SLC25A21: variants seen among roughly 807,000 people sequenced by gnomAD.
SLC25A21 encodes the protein solute carrier family 25 member 21.
Under a neutral mutation model 43.8 loss-of-function variants are expected in SLC25A21, and 47 were observed. That is an observed-to-expected ratio of 1.07 (90% CI 0.85 to 1.37). The LOEUF (loss-of-function observed/expected upper bound fraction) is 1.37. Among genes scored for constraint, SLC25A21 ranks in the 40% most tolerant of loss-of-function variants. The pLI is 0.00. For synonymous variants in SLC25A21, 131 were observed against 121.3 expected, an observed-to-expected ratio of 1.08 and a Z score of -0.52; for missense variants, 352 against 350.2, an observed-to-expected ratio of 1.00 and a Z score of -0.04.
chr14:37,091,706 A>G (rs1962589903), intron 1 of SLC25A21, among the ~76,000 whole-genome samples: 1 of 152,216 alleles, frequency 6.6e-6, no homozygotes, highest in African/African-American at 2.4e-5. Flanking sequence ...GGTTACAAAC[A>G]AATTTCAGCA....
chr14:37,047,305 C>T (rs1383908610), intron 1 of SLC25A21, among the ~76,000 whole-genome samples: 1 of 152,150 alleles, frequency 6.6e-6, no homozygotes, highest in Non-Finnish European at 1.5e-5. Context: ...TAAAACACTG[C>T]CCAGCATGTC....
At chr14:37,049,651 T>C (rs1176442018) in intron 1 of SLC25A21, among the ~76,000 whole-genome samples, 1 of 152,298 alleles carries the variant, frequency 6.6e-6, no homozygotes, top group African/African-American at 2.4e-5. Flanking sequence ...TGTTGTACAA[T>C]AGATATATAA....
At chr14:36,872,724 T>A (rs1233400077) in intron 2 of SLC25A21, among the ~76,000 whole-genome samples, 1 of 152,220 alleles carries the variant, frequency 6.6e-6, no homozygotes, top group Non-Finnish European at 1.5e-5. Context: ...TTAGGCAAAG[T>A]CATGTGACTA....
At chr14:36,742,314 A>C (rs1885303804) in intron 3 of SLC25A21, among the ~76,000 whole-genome samples, 1 of 152,176 alleles carries the variant, frequency 6.6e-6, no homozygotes, top group Non-Finnish European at 1.5e-5. Context: ...AATTAAAACA[A>C]CGAAGTCCAC....
chr14:36,987,926 T>A (rs568042146), intron 1 of SLC25A21, among the ~76,000 whole-genome samples: 1 of 152,300 alleles, frequency 6.6e-6, no homozygotes, highest in South Asian at 2.1e-4. Context: ...CATTCTCAAG[T>A]ATTGCTTTTC....
chr14:36,909,306 C>T (rs1206738241), intron 1 of SLC25A21, among the ~76,000 whole-genome samples: 1 of 151,820 alleles, frequency 6.6e-6, no homozygotes, highest in Non-Finnish European at 1.5e-5. Context: ...GGGGATGAGA[C>T]CCTCCAGGGT....
chr14:36,925,316 C>T (rs1454597790), intron 1 of SLC25A21, among the ~76,000 whole-genome samples: 1 of 151,938 alleles, frequency 6.6e-6, no homozygotes, highest in Non-Finnish European at 1.5e-5. Flanking sequence ...AGATGTAAAC[C>T]CCAATTATAT....
chr14:36,911,296 T>C (rs1891680121), intron 1 of SLC25A21, among the ~76,000 whole-genome samples: 1 of 152,184 alleles, frequency 6.6e-6, no homozygotes, highest in Non-Finnish European at 1.5e-5. Context: ...AAAAGCACTC[T>C]GAAGAGAGTA....
At chr14:36,763,217 T>TTAATTAATA in intron 3 of SLC25A21, among the ~76,000 whole-genome samples, 1 of 152,232 alleles carries the variant, frequency 6.6e-6, no homozygotes, top group Non-Finnish European at 1.5e-5. Context: ...TTAATTATTA[T>TTAATTAATA]CACAGAGGCC....
chr14:36,889,673 T>G (rs574419560), intron 1 of SLC25A21, among the ~76,000 whole-genome samples: 20 of 152,098 alleles, frequency 1.3e-4, no homozygotes, highest in African/African-American at 4.3e-4. Context: ...TTATTTTTTT[T>G]GTAGAGACAG....
At chr14:36,849,570 G>A (rs1382522724) in intron 2 of SLC25A21, among the ~76,000 whole-genome samples, 2 of 152,080 alleles carry the variant, frequency 1.3e-5, no homozygotes, top group Non-Finnish European at 2.9e-5. Flanking sequence ...TTCATAGTTC[G>A]ATTCAATGAA....
chr14:37,066,765 GAGA>G lies in SLC25A21; in HGVS notation c.70+105513_70+105515del, dbSNP rs1304074200. Among the ~76,000 whole-genome samples, 63 of 152,092 alleles carry G rather than the reference GAGA, an allele frequency of 4.1e-4. 1 individual carries two copies. The highest frequency in any genetic ancestry group is 1.2e-4 in the Non-Finnish European group (8 of 68,002). ...AAAATTATATACACATGGAGAGAGAGAGAAGGACAGAGAACAAACAATAAAGAT... is the reference window on the plus strand; with the variant it reads ...AAAATTATATACACATGGAGAGAGAGAGGACAGAGAACAAACAATAAAGAT... On this transcript the variant is annotated intron_variant, in intron 1 of 9. Coordinates refer to ENST00000331299, the MANE Select transcript of SLC25A21 (RefSeq NM_030631.4).
chr14:37,130,795 T>A (rs1246597784), intron 1 of SLC25A21, among the ~76,000 whole-genome samples: 1 of 152,200 alleles, frequency 6.6e-6, no homozygotes, highest in African/African-American at 2.4e-5. Flanking sequence ...TTCCCTTGCT[T>A]GATTAGATGA....
intron 1 of SLC25A21, among the ~76,000 whole-genome samples, chr14:37,169,846 TAA>T (rs1334663428): frequency 1.3e-5 from 2 of 152,146 alleles, no homozygotes; most frequent in Non-Finnish European, 2.9e-5. Context: ...TATGAAAGTA[TAA>T]GTTACTCTAA....
chr14:36,865,172 C>T (rs1338143249), intron 2 of SLC25A21, among the ~76,000 whole-genome samples: 1 of 152,046 alleles, frequency 6.6e-6, no homozygotes. Context: ...CCCCTCCTCC[C>T]TGCTAGAGGA....
chr14:37,075,629 A>G (rs981749423), intron 1 of SLC25A21, among the ~76,000 whole-genome samples: 3 of 152,206 alleles, frequency 2.0e-5, no homozygotes, highest in Non-Finnish European at 4.4e-5. Flanking sequence ...ATGTATGCAG[A>G]AAAAAAGACA....
intron 1 of SLC25A21, among the ~76,000 whole-genome samples, chr14:37,042,058 T>C (rs1961485020): frequency 6.6e-6 from 1 of 152,204 alleles, no homozygotes; most frequent in African/African-American, 2.4e-5. Context: ...TGTAAGTTTT[T>C]TCCTCAATGA....
chr14:37,129,464 G>A (rs2138903418), intron 1 of SLC25A21, among the ~76,000 whole-genome samples: 1 of 152,218 alleles, frequency 6.6e-6, no homozygotes, highest in Non-Finnish European at 1.5e-5. Flanking sequence ...GATTTACCCA[G>A]TGTTCCTTTT....
intron 2 of SLC25A21, among the ~76,000 whole-genome samples, chr14:36,873,270 TTTTC>T (rs749589389): frequency 1.4e-4 from 22 of 151,998 alleles, no homozygotes; most frequent in Middle Eastern, 3.4e-3. Flanking sequence ...TAATTTGTGG[TTTTC>T]TTTTTCTTTT....
Sources: allele counts gnomAD v4.1 joint callset (sites outside exome capture counted in the v4.1 genomes callset), GRCh38; gene constraint gnomAD v4.1.1; transcripts MANE v1.5; gene names NCBI Gene and HGNC (gene_info 2026-07-23, HGNC 2026-07-21).